SHISA6: variants seen among roughly 807,000 people sequenced by gnomAD.
SHISA6 encodes protein shisa-6.
A neutral mutation model predicts 47.9 loss-of-function variants in SHISA6; 22 were observed. That is an observed-to-expected ratio of 0.46 (90% CI 0.33 to 0.66). SHISA6 has a LOEUF of 0.66. Ranked by LOEUF, SHISA6 falls within the 30% of genes least tolerant of loss-of-function variation. The pLI is 0.02. For missense variants in SHISA6, 680 were observed against 764.6 expected, an observed-to-expected ratio of 0.89 and a Z score of 1.30; for synonymous variants, 388 against 337.8, an observed-to-expected ratio of 1.15 and a Z score of -1.63.
intron 3 of SHISA6, among the ~76,000 whole-genome samples, chr17:11,423,006 AAAC>A (rs2142282904): frequency 6.6e-6 from 1 of 151,280 alleles, no homozygotes; most frequent in African/African-American, 2.4e-5. Flanking sequence ...AGGAAAAAAA[AAAC>A]AGAGGGAATT....
intron 2 of SHISA6, among the ~76,000 whole-genome samples, chr17:11,267,441 C>A (rs1207526612): frequency 1.3e-5 from 2 of 152,160 alleles, no homozygotes; most frequent in Admixed American, 1.3e-4. Context: ...TGATTATCAG[C>A]CCTTGTCACA....
intron 3 of SHISA6, among the ~76,000 whole-genome samples, chr17:11,532,621 A>C (rs2071745384): frequency 6.6e-6 from 1 of 152,138 alleles, no homozygotes; most frequent in African/African-American, 2.4e-5. Context: ...TTCTCAGATC[A>C]AGTTAGCTAC....
At chr17:11,287,864 A>T (rs1013473640) in intron 2 of SHISA6, among the ~76,000 whole-genome samples, 9 of 152,192 alleles carry the variant, frequency 5.9e-5, no homozygotes, top group African/African-American at 1.7e-4. Context: ...TAAACTATGC[A>T]TGTAGATCAT....
intron 2 of SHISA6, among the ~76,000 whole-genome samples, chr17:11,317,881 T>C (rs1351860580): frequency 6.6e-6 from 1 of 152,062 alleles, no homozygotes; most frequent in Non-Finnish European, 1.5e-5. Context: ...TATAGCAAAA[T>C]TTTAGACAAA....
chr17:11,272,802 A>G (rs553050088), intron 2 of SHISA6, among the ~76,000 whole-genome samples: 1 of 152,322 alleles, frequency 6.6e-6, no homozygotes, highest in Non-Finnish European at 1.5e-5. Flanking sequence ...CATATGGCAG[A>G]GTCACGAAGG....
chr17:11,429,641 ATT>A (rs1474304992), intron 3 of SHISA6, among the ~76,000 whole-genome samples: 1 of 149,874 alleles, frequency 6.7e-6, no homozygotes, highest in African/African-American at 2.5e-5. Context: ...AAAAAAAAAA[ATT>A]AGCCAGGCAT....
At chr17:11,284,047 T>C (rs1909213560) in intron 2 of SHISA6, among the ~76,000 whole-genome samples, 1 of 152,122 alleles carries the variant, frequency 6.6e-6, no homozygotes, top group Non-Finnish European at 1.5e-5. Context: ...ACTCTAATAC[T>C]ACTACCTCAA....
At chr17:11,367,329 T>C (rs1330476637) in intron 2 of SHISA6, among the ~76,000 whole-genome samples, 1 of 151,994 alleles carries the variant, frequency 6.6e-6, no homozygotes, top group Non-Finnish European at 1.5e-5. Context: ...AACAAGGACA[T>C]TGGACTCACT....
intron 2 of SHISA6, among the ~76,000 whole-genome samples, chr17:11,349,603 A>G (rs999748554): frequency 6.6e-6 from 1 of 152,194 alleles, no homozygotes; most frequent in African/African-American, 2.4e-5. Context: ...CTGAGCAGCC[A>G]CAGTTGGGGA....
chr17:11,324,291 TC>T (rs1375734079), intron 2 of SHISA6, among the ~76,000 whole-genome samples: 8 of 152,144 alleles, frequency 5.3e-5, no homozygotes, highest in African/African-American at 1.7e-4. Context: ...ACTCTTCCTT[TC>T]CCCCGTAACA....
chr17:11,330,506 GAGAGAGAGAA>G, intron 2 of SHISA6, among the ~76,000 whole-genome samples: 1 of 135,434 alleles, frequency 7.4e-6, no homozygotes, highest in Admixed American at 7.5e-5. Context: ...GAGAGAGAGA[GAGAGAGAGAA>G]GATTATAGAT....
intron 3 of SHISA6, among the ~76,000 whole-genome samples, chr17:11,536,485 T>C (rs1014979985): frequency 1.3e-5 from 2 of 152,232 alleles, no homozygotes; most frequent in African/African-American, 2.4e-5. Context: ...AGTTGAGTTT[T>C]GTGATGTTAA....
At chr17:11,343,345 A>C (rs752078365) in intron 2 of SHISA6, among the ~76,000 whole-genome samples, 35 of 152,170 alleles carry the variant, frequency 2.3e-4, no homozygotes, top group Non-Finnish European at 4.4e-4. Context: ...CACAAGGATC[A>C]GTGGCTTACC....
At chr17:11,257,436 A>G (rs1908056863) in intron 1 of SHISA6, among the ~76,000 whole-genome samples, 2 of 152,114 alleles carry the variant, frequency 1.3e-5, no homozygotes, top group East Asian at 1.9e-4. Flanking sequence ...TGAGGGAGGC[A>G]GATTGCCTGA....
intron 3 of SHISA6, among the ~76,000 whole-genome samples, chr17:11,431,121 G>C (rs1914760047): frequency 1.3e-5 from 2 of 152,178 alleles, no homozygotes. Flanking sequence ...TCTTCCGTCG[G>C]AAAGACGGGA....
chr17:11,258,450 G>T (rs1464737445), intron 1 of SHISA6, among the ~76,000 whole-genome samples: 1 of 152,182 alleles, frequency 6.6e-6, no homozygotes, highest in Non-Finnish European at 1.5e-5. Flanking sequence ...GGGGCTCTAG[G>T]TTCCCCCACT....
intron 3 of SHISA6, among the ~76,000 whole-genome samples, chr17:11,421,912 G>C (rs549891240): frequency 2.0e-5 from 3 of 152,154 alleles, no homozygotes; most frequent in Non-Finnish European, 4.4e-5. Flanking sequence ...AAGCACAGTT[G>C]GTTGCTCAGT....
intron 3 of SHISA6, among the ~76,000 whole-genome samples, chr17:11,449,442 CTATTAA>C: frequency 6.7e-6 from 1 of 150,072 alleles, no homozygotes; most frequent in African/African-American, 2.5e-5. Flanking sequence ...GACTCCATCT[CTATTAA>C]AAAAAAAGAA....
chr17:11,476,175 T>C (rs1916046564), intron 3 of SHISA6, among the ~76,000 whole-genome samples: 2 of 152,060 alleles, frequency 1.3e-5, no homozygotes, highest in Non-Finnish European at 2.9e-5. Context: ...CTGTCCCTTT[T>C]TTTTCTTAGT....
Sources: allele counts gnomAD v4.1 joint callset (sites outside exome capture counted in the v4.1 genomes callset), GRCh38; gene constraint gnomAD v4.1.1; transcripts MANE v1.5; gene names NCBI Gene and HGNC (gene_info 2026-07-23, HGNC 2026-07-21).